The following DLG2 variants were observed in gnomAD, a reference collection of about 807,000 sequenced individuals.
The protein encoded by DLG2 is discs large MAGUK scaffold protein 2.
DLG2 carries 45 observed loss-of-function variants against 132.5 expected under a neutral mutation model. That is an observed-to-expected ratio of 0.34 (90% CI 0.27 to 0.44). The LOEUF (loss-of-function observed/expected upper bound fraction) is 0.44. DLG2 is among the 20% of genes least tolerant of loss of function. The pLI is 1.00. For missense variants in DLG2, 1,045 were observed against 1,196.9 expected (o/e 0.87, Z 1.87); for synonymous variants, 424 against 419.6 (o/e 1.01, Z -0.13).
intron 4 of DLG2, among the ~76,000 whole-genome samples, chr11:85,228,524 G>C (rs973865878): frequency 5.9e-5 from 9 of 151,926 alleles, no homozygotes; most frequent in Non-Finnish European, 1.3e-4. Context: ...CTTCACCAAG[G>C]GTTCAAGATA....
chr11:83,954,902 C>T (rs1454600683), intron 14 of DLG2, among the ~76,000 whole-genome samples: 2 of 151,962 alleles, frequency 1.3e-5, no homozygotes. Context: ...CTATATGACT[C>T]TCTGTAATAA....
At chr11:85,322,389 T>C (rs1198686347) in intron 3 of DLG2, among the ~76,000 whole-genome samples, 1 of 152,264 alleles carries the variant, frequency 6.6e-6, no homozygotes, top group East Asian at 1.9e-4. Context: ...ATGAAAATCA[T>C]TTGCCTAACC....
intron 9 of DLG2, among the ~76,000 whole-genome samples, chr11:84,105,952 G>A (rs1186743859): frequency 6.6e-6 from 1 of 152,018 alleles, no homozygotes; most frequent in Admixed American, 6.6e-5. Flanking sequence ...AAAACTATAT[G>A]TTGTTTTCAA....
chr11:84,744,045 T>G (rs890972089), intron 6 of DLG2, among the ~76,000 whole-genome samples: 3 of 152,126 alleles, frequency 2.0e-5, no homozygotes, highest in Admixed American at 6.5e-5. Flanking sequence ...TTTCATATGG[T>G]TGAATCACAC....
chr11:85,054,738 T>C (rs886075815), intron 6 of DLG2, among the ~76,000 whole-genome samples: 4 of 152,206 alleles, frequency 2.6e-5, no homozygotes, highest in African/African-American at 9.7e-5. Context: ...TAGAGACCAT[T>C]ATCCTAAGTA....
chr11:84,051,367 A>C (rs966572670), intron 11 of DLG2, among the ~76,000 whole-genome samples: 1 of 151,892 alleles, frequency 6.6e-6, no homozygotes, highest in Non-Finnish European at 1.5e-5. Context: ...AAGACTTGGA[A>C]CCAACCCAAA....
intron 7 of DLG2, among the ~76,000 whole-genome samples, chr11:84,286,959 T>G (rs944434151): frequency 3.3e-5 from 5 of 152,200 alleles, no homozygotes; most frequent in African/African-American, 4.8e-5. Flanking sequence ...TCAACGCTTT[T>G]TAAATGTCTG....
chr11:85,466,057 T>G (rs2092777717), intron 3 of DLG2, among the ~76,000 whole-genome samples: 1 of 152,212 alleles, frequency 6.6e-6, no homozygotes, highest in South Asian at 2.1e-4. Context: ...TGATGGCCAG[T>G]GATGATGAGC....
intron 9 of DLG2, among the ~76,000 whole-genome samples, chr11:84,101,465 TCTAAA>T (rs2092516513): frequency 6.6e-6 from 1 of 152,130 alleles, no homozygotes; most frequent in Non-Finnish European, 1.5e-5. Context: ...TGCAACTGAC[TCTAAA>T]CTAAGACTGC....
At chr11:85,116,895 T>C (rs150344968) in intron 5 of DLG2, among the ~76,000 whole-genome samples, 2 of 152,026 alleles carry the variant, frequency 1.3e-5, no homozygotes, top group Non-Finnish European at 2.9e-5. Context: ...TGAAGAGGGG[T>C]TGAGAAGTCT....
At chr11:83,914,123 G>T (rs993218141) in intron 15 of DLG2, among the ~76,000 whole-genome samples, 2 of 152,148 alleles carry the variant, frequency 1.3e-5, no homozygotes, top group Admixed American at 6.6e-5. Context: ...TTCATCCCCA[G>T]TGTTGGAGGT....
At chr11:85,258,305 G>A (rs1318637887) in intron 4 of DLG2, among the ~76,000 whole-genome samples, 2 of 152,060 alleles carry the variant, frequency 1.3e-5, no homozygotes, top group Non-Finnish European at 2.9e-5. Context: ...GAATAATCTT[G>A]TGGTATTTTC....
chr11:84,268,197 C>G (rs2097668897), intron 7 of DLG2, among the ~76,000 whole-genome samples: 1 of 152,188 alleles, frequency 6.6e-6, no homozygotes, highest in African/African-American at 2.4e-5. Context: ...CAAGACTTTT[C>G]TCCTTTTTCT....
intron 7 of DLG2, among the ~76,000 whole-genome samples, chr11:84,303,894 T>C (rs150918671): frequency 3.9e-5 from 6 of 152,190 alleles, no homozygotes; most frequent in African/African-American, 1.2e-4. Flanking sequence ...TTCAAACTGA[T>C]TGAGTGCCTT....
intron 9 of DLG2, among the ~76,000 whole-genome samples, chr11:84,160,833 G>A (rs936888428): frequency 1.3e-5 from 2 of 152,184 alleles, no homozygotes; most frequent in Admixed American, 6.5e-5. Flanking sequence ...TATACTAGTA[G>A]ACCTGGTAGT....
chr11:83,477,249 G>A (rs2092693640), intron 22 of DLG2, among the ~76,000 whole-genome samples: 1 of 151,996 alleles, frequency 6.6e-6, no homozygotes, highest in Non-Finnish European at 1.5e-5. Context: ...TGACTGTAAG[G>A]TATTATACAG....
chr11:83,582,088 C>T (rs2096988701), intron 19 of DLG2, among the ~76,000 whole-genome samples: 1 of 150,786 alleles, frequency 6.6e-6, no homozygotes, highest in Admixed American at 6.7e-5. Flanking sequence ...TCCCAAGTAG[C>T]TGGGATTACA....
At chr11:84,976,981 C>A (rs1047584106) in intron 6 of DLG2, among the ~76,000 whole-genome samples, 1 of 152,150 alleles carries the variant, frequency 6.6e-6, no homozygotes, top group South Asian at 2.1e-4. Flanking sequence ...CTACCCAATT[C>A]CTCTACAAAC....
At chr11:83,741,050 AC>A (rs1443424256) in intron 18 of DLG2, among the ~76,000 whole-genome samples, 2 of 152,210 alleles carry the variant, frequency 1.3e-5, no homozygotes, top group African/African-American at 2.4e-5. Context: ...AAGCAAAAAA[AC>A]ATATGATCAT....
Sources: allele counts gnomAD v4.1 joint callset (sites outside exome capture counted in the v4.1 genomes callset), GRCh38; gene constraint gnomAD v4.1.1; transcripts MANE v1.5; gene names NCBI Gene and HGNC (gene_info 2026-07-23, HGNC 2026-07-21).